CLASP2: variants seen among roughly 807,000 people sequenced by gnomAD.
CLASP2 encodes CLIP-associating protein 2.
In CLASP2, 47 loss-of-function variants were observed where a neutral mutation model predicts 194.4. The observed-to-expected ratio is 0.24, with a 90% CI of 0.19 to 0.31. The LOEUF (loss-of-function observed/expected upper bound fraction) is 0.31, where lower values mean the gene tolerates loss of function less well. Among genes scored for constraint, CLASP2 ranks in the 10% least tolerant of loss-of-function variants. The probability of loss-of-function intolerance (pLI) is 1.00; values close to 1 mark genes in which losing one functional copy is unlikely to be tolerated. For missense variants in CLASP2, 1,445 were observed against 1,823.6 expected, an observed-to-expected ratio of 0.79 and a Z score of 3.78; for synonymous variants, 619 against 633.5, an observed-to-expected ratio of 0.98 and a Z score of 0.34.
chr3:33,665,300 C>G (rs1396918271), intron 6 of CLASP2, among the ~76,000 whole-genome samples: 1 of 151,884 alleles, frequency 6.6e-6, no homozygotes, highest in Non-Finnish European at 1.5e-5. Context: ...AGACAGGAAT[C>G]TGGATGTAAG....
At chr3:33,499,551 G>A (rs146504501) in intron 38 of CLASP2, among the ~76,000 whole-genome samples, 1,896 of 151,894 alleles carry the variant, frequency 0.012, 12 homozygotes, top group Middle Eastern at 0.044. Context: ...GGATTTCACC[G>A]TGTTAGCCAG....
rs147272558 is a variant in CLASP2 at position 33,602,465 on chromosome 3, T to G, written c.1924+487A>C. On this transcript the variant is annotated intron_variant, in intron 18 of 38. Coordinates refer to ENST00000682230, the MANE Select transcript of CLASP2 (RefSeq NM_001365631.1). ...AGATACGCAAACCAACGTCAACTTT[T>G]TAATTTGATAGACATAAAAACATGA... is the stretch of plus-strand genomic sequence containing the variant. The G allele has an allele frequency of 1.4e-3, 999 of 709,566 alleles. 7 individuals are homozygous for G. Among genetic ancestry groups the G allele is most frequent in the African/African-American group, 0.014 (802 of 57,520 alleles). 44.0% of individuals were successfully genotyped at this position (709,566 alleles called of 1,614,324 possible).
chr3:33,565,328 G>A (rs912407249), intron 27 of CLASP2, among the ~76,000 whole-genome samples: 2 of 151,818 alleles, frequency 1.3e-5, no homozygotes, highest in South Asian at 2.1e-4. Context: ...ACAGGCCAGC[G>A]CCACCACACT....
At chr3:33,558,464 A>G (rs2061318436) in intron 29 of CLASP2, 1 of 151,994 alleles carries the variant, frequency 6.6e-6, no homozygotes, top group Non-Finnish European at 1.5e-5. Flanking sequence ...ATAAGCACAT[A>G]TGCTTGTTAT....
At chr3:33,499,617 G>A (rs980413126) in intron 38 of CLASP2, among the ~76,000 whole-genome samples, 1 of 152,022 alleles carries the variant, frequency 6.6e-6, no homozygotes, top group African/African-American at 2.4e-5. Flanking sequence ...CCAAAGTGCT[G>A]GGATTACAGT....
intron 7 of CLASP2, among the ~76,000 whole-genome samples, chr3:33,660,317 T>C (rs1360924220): frequency 1.3e-5 from 2 of 152,216 alleles, no homozygotes; most frequent in African/African-American, 4.8e-5. Flanking sequence ...TGACAGATTT[T>C]AAATCCAGTT....
chr3:33,499,372 T>C (rs1408782703), intron 38 of CLASP2, among the ~76,000 whole-genome samples: 10 of 135,348 alleles, frequency 7.4e-5, no homozygotes, highest in African/African-American at 2.6e-4. Context: ...TTTTTTGAGA[T>C]GGAGTCTCAC....
At chr3:33,704,428 G>T (rs959194531) in intron 1 of CLASP2, among the ~76,000 whole-genome samples, 1 of 152,090 alleles carries the variant, frequency 6.6e-6, no homozygotes, top group African/African-American at 2.4e-5. Flanking sequence ...AATGGGCAAA[G>T]AACTTGAATA....
At chr3:33,551,844 T>G (rs1051733854) in intron 29 of CLASP2, among the ~76,000 whole-genome samples, 3 of 152,200 alleles carry the variant, frequency 2.0e-5, no homozygotes, top group Admixed American at 6.5e-5. Flanking sequence ...AGCTAGTCTT[T>G]ATTAACTCTG....
At chr3:33,555,011 C>A (rs1469620220) in intron 29 of CLASP2, among the ~76,000 whole-genome samples, 1 of 152,034 alleles carries the variant, frequency 6.6e-6, no homozygotes, top group Non-Finnish European at 1.5e-5. Context: ...GAGACCTGTA[C>A]ATCATGGTGA....
At chr3:33,671,668 C>A (rs548940986) in intron 6 of CLASP2, among the ~76,000 whole-genome samples, 2 of 152,326 alleles carry the variant, frequency 1.3e-5, no homozygotes, top group African/African-American at 4.8e-5. Flanking sequence ...CACAAGGGGT[C>A]AGGGAGTTCC....
intron 18 of CLASP2, among the ~76,000 whole-genome samples, chr3:33,598,187 T>C (rs1000258383): frequency 2.0e-5 from 3 of 151,142 alleles, no homozygotes; most frequent in Non-Finnish European, 4.4e-5. Context: ...CTCTAATAAA[T>C]CCTTTTGCTC....
chr3:33,516,008 G>T lies in CLASP2; in HGVS notation c.4110+15C>A. On this transcript the variant is annotated intron_variant, in intron 36 of 38. Transcript: ENST00000682230. ...TAAAATAATGGAATAATACTTTACC[G>T]GCCAGGTAACTTACCTCCTTATGAG... is the stretch of plus-strand genomic sequence containing the variant. 3 of 1,597,480 alleles carry T rather than the reference G, an allele frequency of 1.9e-6. No individual in the cohort carries two copies. In the East Asian group the frequency reaches 6.7e-5, roughly 36 times the overall value.
chr3:33,659,251 C>G, intron 7 of CLASP2: 2 of 1,268,422 alleles, frequency 1.6e-6, no homozygotes, highest in Non-Finnish European at 2.0e-6. Context: ...TTTAGCTGCA[C>G]ATATGCTGTT....
chr3:33,540,760 T>A (rs1245737336), intron 32 of CLASP2, among the ~76,000 whole-genome samples: 1 of 151,280 alleles, frequency 6.6e-6, no homozygotes, highest in South Asian at 2.1e-4. Flanking sequence ...AGCTATTAAC[T>A]ATAAATACCA....
At chr3:33,598,836 T>C (rs748493370) in intron 18 of CLASP2, among the ~76,000 whole-genome samples, 1 of 152,204 alleles carries the variant, frequency 6.6e-6, no homozygotes, top group East Asian at 1.9e-4. Flanking sequence ...TTCATAAATA[T>C]GTACTCAAAC....
At chr3:33,650,985 G>GGTGGCATT (rs1233667986) in intron 7 of CLASP2, among the ~76,000 whole-genome samples, 2 of 152,106 alleles carry the variant, frequency 1.3e-5, no homozygotes, top group Non-Finnish European at 2.9e-5. Context: ...AAACTCATTT[G>GGTGGCATT]GTGGCATTAA....
At chr3:33,585,076 T>A (rs541918203) in intron 21 of CLASP2, among the ~76,000 whole-genome samples, 156 bp from the exon 22 acceptor site, 62 of 152,068 alleles carry the variant, frequency 4.1e-4, no homozygotes, top group Non-Finnish European at 6.0e-4. Context: ...GATTTAAATA[T>A]AATTATAACC....
At chr3:33,670,493 T>C (rs894699008) in intron 6 of CLASP2, among the ~76,000 whole-genome samples, 1 of 152,208 alleles carries the variant, frequency 6.6e-6, no homozygotes, top group African/African-American at 2.4e-5. Context: ...GCTTGGAAAG[T>C]TGCTACTCTG....
Sources: allele counts gnomAD v4.1 joint callset (sites outside exome capture counted in the v4.1 genomes callset), GRCh38; gene constraint gnomAD v4.1.1; transcripts MANE v1.5; gene names NCBI Gene and HGNC (gene_info 2026-07-23, HGNC 2026-07-21).